ZNHIT2: variants seen among roughly 807,000 people sequenced by gnomAD.
ZNHIT2 encodes zinc finger HIT domain-containing protein 2.
A neutral mutation model predicts 18.0 loss-of-function variants in ZNHIT2; 16 were observed. The observed-to-expected ratio is 0.89, with a 90% CI of 0.60 to 1.35. The LOEUF is 1.35. Among genes scored for constraint, ZNHIT2 ranks in the 40% most tolerant of loss-of-function variants. The pLI is 0.00. For missense variants in ZNHIT2, 631 were observed against 566.4 expected (o/e 1.11, Z -1.16); for synonymous variants, 336 against 269.8 (o/e 1.25, Z -2.41).
Position 65,116,620 on chromosome 11 carries a change from G to A in ZNHIT2, c.1034C>T (p.Ala345Val), listed in dbSNP as rs1321552440. The part of the protein sequence containing the change: ...RARKKCQFLL[A>V]WTNENEAALT... ...GGCCGCCTCATTTTCGTTGGTCCAG[G>A]CCAGGAGGAACTGGCACTTTTTCCG... The change falls in exon 1 of 1, where the codon GCC becomes GTC. Residue 345 changes from alanine to valine, a missense_variant. Transcript: ENST00000310597. 1 of 1,613,824 alleles carries A rather than the reference G, an allele frequency of 6.2e-7. No homozygotes were observed. Among genetic ancestry groups the A allele is most frequent in the Non-Finnish European group, 8.5e-7 (1 of 1,179,840 alleles).
Position 65,117,547 on chromosome 11 carries a change from C to T in ZNHIT2, c.107G>A (p.Arg36Gln), listed in dbSNP as rs1406445937. The T allele has an allele frequency of 8.8e-6, 14 of 1,589,734 alleles. No homozygotes were observed. Among genetic ancestry groups the T allele is most frequent in the Non-Finnish European group, 1.1e-5 (13 of 1,175,336 alleles). The stretch of plus-strand genomic sequence containing the variant: ...GTTTTCTGCGCAGGTGCCATGCGTC[C>T]GGTAGCAGCGCAGCGAGCAGTAGGG... ...NAPYCSLRCY[R>Q]THGTCAENFY... The change falls in exon 1 of 1, where the codon CGG becomes CAG. Residue 36 changes from arginine (R) to glutamine (Q), a missense_variant. Physicochemically the swap from Arg to Gln is conservative, Grantham distance 43 (BLOSUM62 1). Coordinates refer to ENST00000310597, the MANE Select transcript of ZNHIT2 (RefSeq NM_014205.4).
chr11:65,117,455 C>T lies in ZNHIT2; in HGVS notation c.199G>A (p.Ala67Thr). Residue 67 changes from alanine (A) to threonine (T), a missense_variant, in exon 1 of 1, where the codon GCC becomes ACC. Transcript: ENST00000310597. ...CSAPPSRLAS[A>T]LRRLRQQRET... ...CGTTGCTGACGCAGCCGGCGTAGGG[C>T]GCTTGCTAGGCGGCTGGGAGGAGCG... The T allele has an allele frequency of 6.5e-7, 1 of 1,534,618 alleles. No individual in the cohort carries two copies. The highest frequency in any genetic ancestry group is 8.7e-7 in the Non-Finnish European group (1 of 1,148,690).
In ZNHIT2 at chr11:65,117,192, C is replaced by T. The variant is rs757138266; in HGVS notation, c.462G>A (p.Leu154=). The T allele has an allele frequency of 6.5e-7, 1 of 1,546,890 alleles. No homozygotes were observed. The highest frequency in any genetic ancestry group is 8.7e-7 in the Non-Finnish European group (1 of 1,152,774). ...GCGGGGTCCTCGCAGGGGCGAGCTC[C>T]AGCTCCGCGGCGTCACTACCCGGGG... is the stretch of plus-strand genomic sequence containing the variant. ...DNAPGSDAAE[L]ELAPARTPPD... is the part of the protein sequence containing the mutation. Residue 154 remains leucine, a synonymous_variant, in exon 1 of 1, where the codon CTG becomes CTA. Coordinates refer to ENST00000310597, the MANE Select transcript of ZNHIT2 (RefSeq NM_014205.4).
Position 65,117,289 on chromosome 11 carries a change from AGCCGCCCGGCCTCACCGCG to A in ZNHIT2, c.346_364del (p.Arg116CysfsTer45). 2 of 1,487,812 alleles carry A rather than the reference AGCCGCCCGGCCTCACCGCG, an allele frequency of 1.3e-6. No homozygotes were observed. Among genetic ancestry groups the A allele is most frequent in the Non-Finnish European group, 1.8e-6 (2 of 1,129,494 alleles). The allele number at this position is 1,487,812 out of a possible 1,614,324, so 92.2% of individuals were successfully genotyped here. The stretch of plus-strand genomic sequence containing the variant: ...CCACCACGGCCGCCATGGAGGCAGC[AGCCGCCCGGCCTCACCGCG>A]GCTCAGCAGCCGCTCGAAGGCAGCT... On this transcript the variant is annotated frameshift_variant, in exon 1 of 1. Coordinates refer to ENST00000310597, the MANE Select transcript of ZNHIT2 (RefSeq NM_014205.4). LOFTEE classifies it high-confidence loss of function.
Position 65,117,638 on chromosome 11 carries a change from GC to G in ZNHIT2, c.15del (p.Cys7ValfsTer58). On this transcript the variant is annotated frameshift_variant, in exon 1 of 1. Transcript: ENST00000310597. LOFTEE classifies it high-confidence loss of function. MEPAGPCGFCPAGEV... is the reference protein window; with the variant it reads MEPAXPCGFCPAGEV... ...TCCCCCGCCGGGCAGAAGCCACAGG[GC>G]CCGGCCGGCTCCATGGCAACTGGCA... is the stretch of plus-strand genomic sequence containing the variant. 1 of 1,447,152 alleles carries G rather than the reference GC, an allele frequency of 6.9e-7. No individual in the cohort carries two copies. 89.6% of individuals were successfully genotyped at this position (1,447,152 alleles called of 1,614,324 possible).
In ZNHIT2 at chr11:65,116,874, C is replaced by T. The variant is rs1219273049; in HGVS notation, c.780G>A (p.Ala260=). The T allele has an allele frequency of 2.5e-6, 4 of 1,603,190 alleles. No individual in the cohort carries two copies. Among genetic ancestry groups the T allele is most frequent in the Admixed American group, 3.3e-5 (2 of 59,746 alleles). ...ALGAQQVFAS[A]EEALQAAAHV... is the part of the protein sequence containing the mutation. The stretch of plus-strand genomic sequence containing the variant: ...GGGCTGCCGCCTGCAGGGCTTCTTC[C>T]GCAGAGGCGAAGACTTGCTGGGCAC... The change falls in exon 1 of 1, where the codon GCG becomes GCA. Residue 260 remains alanine, a synonymous_variant. Transcript: ENST00000310597.
At position 65,117,550 on chromosome 11, in the gene ZNHIT2, TAGC is replaced by T. The variant is rs763717436; in HGVS notation, c.101_103del (p.Cys34del). 6.3e-7 allele frequency: 1 copy of T among 1,589,612 alleles called. No homozygotes were observed. The highest frequency in any genetic ancestry group is 1.3e-5 in the African/African-American group (1 of 74,332). On this transcript the variant is annotated inframe_deletion, in exon 1 of 1. Transcript: ENST00000310597. ...TTCTGCGCAGGTGCCATGCGTCCGG[TAGC>T]AGCGCAGCGAGCAGTAGGGCGCATT...
At position 65,117,573 on chromosome 11, in the gene ZNHIT2, C is replaced by T; in HGVS notation, c.81G>A (p.Ala27=). 2 of 1,575,760 alleles carry T rather than the reference C, an allele frequency of 1.3e-6. No individual in the cohort carries two copies. The highest frequency in any genetic ancestry group is 8.6e-7 in the Non-Finnish European group (1 of 1,169,090). ...PARYTCPRCN[A]PYCSLRCYRT... is the part of the protein sequence containing the mutation. ...GGTAGCAGCGCAGCGAGCAGTAGGG[C>T]GCATTACAGCGAGGGCAGGTGTAAC... Residue 27 remains alanine, a synonymous_variant, in exon 1 of 1, where the codon GCG becomes GCA. Coordinates refer to ENST00000310597, the MANE Select transcript of ZNHIT2 (RefSeq NM_014205.4).
rs1004875494 is a variant in ZNHIT2, at chr11:65,116,433, G to A, written c.*9C>T. 7.3e-6 allele frequency: 11 copies of A among 1,511,458 alleles called. No individual in the cohort carries two copies. The African/African-American group carries it at 8.4e-5, about 12-fold the overall frequency. 93.6% of individuals were successfully genotyped at this position (1,511,458 alleles called of 1,614,324 possible). A position where few individuals can be genotyped will look rare whatever the true frequency, so the allele number is the denominator to read the frequency against. On this transcript the variant is annotated 3_prime_UTR_variant, in exon 1 of 1. Coordinates refer to ENST00000310597, the MANE Select transcript of ZNHIT2 (RefSeq NM_014205.4). ...AGTCACAGCTTTATTAATGACCAGGGTAACCCGTTCAGCTAGGGAGCTCCT... is the reference window on the plus strand; with the variant it reads ...AGTCACAGCTTTATTAATGACCAGGATAACCCGTTCAGCTAGGGAGCTCCT...
chr11:65,117,169 G>C lies in ZNHIT2; in HGVS notation c.485C>G (p.Pro162Arg). Residue 162 changes from proline to arginine, a missense_variant, in exon 1 of 1, where the codon CCG (proline) becomes CGG (arginine). By Grantham distance (103) the Pro-to-Arg change is moderately radical. Transcript: ENST00000310597. ...GGAGGCATCTTTCACAGAATCCGGC[G>C]GGGTCCTCGCAGGGGCGAGCTCCAG... ...AELELAPARTPPDSVKDASAA... is the reference protein window; with the variant it reads ...AELELAPARTRPDSVKDASAA... 6.4e-7 allele frequency: 1 copy of C among 1,566,322 alleles called. No individual in the cohort carries two copies. The highest frequency in any genetic ancestry group is 8.6e-7 in the Non-Finnish European group (1 of 1,161,290).
Position 65,117,387 on chromosome 11 carries a change from G to C in ZNHIT2, c.267C>G (p.Gly89=), listed in dbSNP as rs61736618. 1,240 of 1,497,670 alleles carry C rather than the reference G, an allele frequency of 8.3e-4. 14 individuals are homozygous for C. In the African/African-American group the frequency reaches 0.016, roughly 20 times the overall value. The allele number at this position is 1,497,670 out of a possible 1,614,324, so 92.8% of individuals were successfully genotyped here. A position where few individuals can be genotyped will look rare whatever the true frequency, so the allele number is the denominator to read the frequency against. The change falls in exon 1 of 1, where the codon GGC becomes GGG. Residue 89 remains glycine, a synonymous_variant. Coordinates refer to ENST00000310597, the MANE Select transcript of ZNHIT2 (RefSeq NM_014205.4). ...GTCCCGATAGGCCGCCGGGCGCCGG[G>C]CCGGAGCTGAGGCCTGCTTCCCCAG... is the stretch of plus-strand genomic sequence containing the variant. ...DEPGEAGLSS[G]PAPGGLSGLW...
Position 65,116,899 on chromosome 11 carries a change from C to A in ZNHIT2, c.755G>T (p.Gly252Val), listed in dbSNP as rs1423098952. The A allele has an allele frequency of 1.9e-6, 3 of 1,597,950 alleles. No homozygotes were observed. Among genetic ancestry groups the A allele is most frequent in the Non-Finnish European group, 2.5e-6 (3 of 1,176,658 alleles). The stretch of plus-strand genomic sequence containing the variant: ...CGCAGAGGCGAAGACTTGCTGGGCA[C>A]CCAGGGCTCCGGAAACGCCGAGCAG... ...ATLLGVSGAL[G>V]AQQVFASAEE... The change falls in exon 1 of 1, where the codon GGT (glycine) becomes GTT (valine). Residue 252 changes from glycine to valine, a missense_variant. Physicochemically the swap from Gly to Val is moderately radical, Grantham distance 109. Coordinates refer to ENST00000310597, the MANE Select transcript of ZNHIT2 (RefSeq NM_014205.4).
In ZNHIT2 at chr11:65,116,916, G is replaced by C. The variant is rs1437045439; in HGVS notation, c.738C>G (p.Gly246=). The C allele has an allele frequency of 6.3e-7, 1 of 1,596,542 alleles. No individual in the cohort carries two copies. Among genetic ancestry groups the C allele is most frequent in the Non-Finnish European group, 8.5e-7 (1 of 1,176,218 alleles). The change falls in exon 1 of 1, where the codon GGC becomes GGG. Residue 246 remains glycine (G), a synonymous_variant. Transcript: ENST00000310597. ...LLSDFCATLL[G]VSGALGAQQV... ...GCTGGGCACCCAGGGCTCCGGAAAC[G>C]CCGAGCAGTGTGGCACAGAAGTCAG...
chr11:65,117,045 G>A lies in ZNHIT2; in HGVS notation c.609C>T (p.Ser203=), dbSNP rs1947998327. The A allele has an allele frequency of 6.3e-7, 1 of 1,594,322 alleles. No individual in the cohort carries two copies. The highest frequency in any genetic ancestry group is 2.3e-5 in the East Asian group (1 of 43,928). Residue 203 remains serine (S), a synonymous_variant, in exon 1 of 1, where the codon AGC becomes AGT. Transcript: ENST00000310597. ...GCACGAGCGGCGAGACTGGGCCGCGGCTCAGGCTGACTATCGCGGGGATGC... is the reference window on the plus strand; with the variant it reads ...GCACGAGCGGCGAGACTGGGCCGCGACTCAGGCTGACTATCGCGGGGATGC... ...PTRIPAIVSL[S]RGPVSPLVRF...
chr11:65,116,652 G>A lies in ZNHIT2; in HGVS notation c.1002C>T (p.Tyr334=), dbSNP rs949852363. 1 of 1,614,110 alleles carries A rather than the reference G, an allele frequency of 6.2e-7. No individual in the cohort carries two copies. The highest frequency in any genetic ancestry group is 8.5e-7 in the Non-Finnish European group (1 of 1,180,006). Residue 334 remains tyrosine, a synonymous_variant, in exon 1 of 1, where the codon TAC becomes TAT. Coordinates refer to ENST00000310597, the MANE Select transcript of ZNHIT2 (RefSeq NM_014205.4). The part of the protein sequence containing the change: ...AVAREERDHL[Y]RARKKCQFLL... Reference sequence around the variant, plus strand: ...GGAACTGGCACTTTTTCCGGGCCCGGTAAAGATGATCTCGCTCTTCTCTAG... The same window carrying A: ...GGAACTGGCACTTTTTCCGGGCCCGATAAAGATGATCTCGCTCTTCTCTAG...
In ZNHIT2 at chr11:65,117,377, C is replaced by T; in HGVS notation, c.277G>A (p.Gly93Ser). 1.3e-6 allele frequency: 2 copies of T among 1,498,916 alleles called. No individual in the cohort carries two copies. Among genetic ancestry groups the T allele is most frequent in the Non-Finnish European group, 8.8e-7 (1 of 1,132,524 alleles). 92.9% of individuals were successfully genotyped at this position (1,498,916 alleles called of 1,614,324 possible). A position where few individuals can be genotyped will look rare whatever the true frequency, so the allele number is the denominator to read the frequency against. Reference protein sequence around the residue: ...EAGLSSGPAPGGLSGLWERLA... With the variant: ...EAGLSSGPAPSGLSGLWERLA... ...CGCTCCCAGAGTCCCGATAGGCCGCCGGGCGCCGGGCCGGAGCTGAGGCCT... is the reference window on the plus strand; with the variant it reads ...CGCTCCCAGAGTCCCGATAGGCCGCTGGGCGCCGGGCCGGAGCTGAGGCCT... Residue 93 changes from glycine to serine, a missense_variant, in exon 1 of 1, where the codon GGC becomes AGC. Gly to Ser is a moderately conservative substitution (Grantham distance 56). Coordinates refer to ENST00000310597, the MANE Select transcript of ZNHIT2 (RefSeq NM_014205.4).
In ZNHIT2 at chr11:65,117,322, TCGAAGG is replaced by T. The variant is rs1223656949; in HGVS notation, c.326_331del (p.Ala109_Phe110del). On this transcript the variant is annotated inframe_deletion, in exon 1 of 1. Transcript: ENST00000310597. ...GGCCTCACCGCGGCTCAGCAGCCGCTCGAAGGCAGCTTTTTCGCCCGGCGCCAGCCG... is the reference window on the plus strand; with the variant it reads ...GGCCTCACCGCGGCTCAGCAGCCGCTCAGCTTTTTCGCCCGGCGCCAGCCG... 2 of 1,503,404 alleles carry T rather than the reference TCGAAGG, an allele frequency of 1.3e-6. No individual in the cohort carries two copies. Among genetic ancestry groups the T allele is most frequent in the South Asian group, 2.6e-5 (2 of 77,946 alleles). 93.1% of individuals were successfully genotyped at this position (1,503,404 alleles called of 1,614,324 possible).
Position 65,117,260 on chromosome 11 carries a change from T to A in ZNHIT2, c.394A>T (p.Asn132Tyr). The change falls in exon 1 of 1, where the codon AAC becomes TAC. Residue 132 changes from asparagine to tyrosine, a missense_variant. Physicochemically the swap from Asn to Tyr is moderately radical, Grantham distance 143. Transcript: ENST00000310597. ...AGAAGCTGCGGTCCGGCTCCGCGGT[T>A]CCACCACCACGGCCGCCATGGAGGC... is the stretch of plus-strand genomic sequence containing the variant. ...LLPPWRPWWW[N>Y]RGAGPQLLEE... The A allele has an allele frequency of 6.7e-7, 1 of 1,494,904 alleles. No individual in the cohort carries two copies. Among genetic ancestry groups the A allele is most frequent in the South Asian group, 1.3e-5 (1 of 75,086 alleles). The allele number at this position is 1,494,904 out of a possible 1,614,324, so 92.6% of individuals were successfully genotyped here.
chr11:65,116,782 G>A lies in ZNHIT2; in HGVS notation c.872C>T (p.Ala291Val), dbSNP rs1947992917. Residue 291 changes from alanine to valine, a missense_variant, in exon 1 of 1, where the codon GCC (alanine) becomes GTC (valine). Transcript: ENST00000310597. Reference protein sequence around the residue: ...LGTRGAMHEVARILLGEGPTN... With the variant: ...LGTRGAMHEVVRILLGEGPTN... ...CGGGCCCTCGCCCAGCAGGATGCGGGCGACCTCGTGCATAGCCCCTCGTGT... is the reference window on the plus strand; with the variant it reads ...CGGGCCCTCGCCCAGCAGGATGCGGACGACCTCGTGCATAGCCCCTCGTGT... 6.2e-7 allele frequency: 1 copy of A among 1,607,290 alleles called. No homozygotes were observed. The highest frequency in any genetic ancestry group is 1.1e-5 in the South Asian group (1 of 90,846).
Sources: allele counts gnomAD v4.1 joint callset, GRCh38; gene constraint gnomAD v4.1.1; transcripts MANE v1.5; gene names NCBI Gene and HGNC (gene_info 2026-07-23, HGNC 2026-07-21).